RANBP17: variants seen among roughly 807,000 people sequenced by gnomAD.
RANBP17 encodes the protein ran-binding protein 17.
In RANBP17, 158 loss-of-function variants were observed where a neutral mutation model predicts 141.2. That is an observed-to-expected ratio of 1.12 (90% CI 0.98 to 1.28). The LOEUF (loss-of-function observed/expected upper bound fraction) is 1.28, where lower values mean the gene tolerates loss of function less well. Among genes scored for constraint, RANBP17 ranks in the 50% most tolerant of loss-of-function variants. The pLI, the probability that RANBP17 is intolerant of heterozygous loss-of-function variation, is 0.00. For missense variants in RANBP17, 1,438 were observed against 1,290.7 expected, an observed-to-expected ratio of 1.11 and a Z score of -1.75; for synonymous variants, 430 against 450.0, an observed-to-expected ratio of 0.96 and a Z score of 0.56.
chr5:171,156,247 A>G (rs957429306), intron 14 of RANBP17, among the ~76,000 whole-genome samples: 1 of 152,116 alleles, frequency 6.6e-6, no homozygotes, highest in African/African-American at 2.4e-5. Flanking sequence ...TACCTTCTAT[A>G]TAATTTATTT....
At chr5:171,024,354 G>A (rs1232459819) in intron 14 of RANBP17, among the ~76,000 whole-genome samples, 1 of 152,146 alleles carries the variant, frequency 6.6e-6, no homozygotes, top group Non-Finnish European at 1.5e-5. Flanking sequence ...GCCAGTGTCT[G>A]TTTTGTAAAT....
At chr5:170,920,407 TA>T (rs1204987147) in intron 11 of RANBP17, among the ~76,000 whole-genome samples, 2 of 152,162 alleles carry the variant, frequency 1.3e-5, no homozygotes, top group Non-Finnish European at 2.9e-5. Flanking sequence ...TAATGACTAA[TA>T]ATGTTGAGCA....
chr5:171,066,365 CT>C (rs1015451277), intron 14 of RANBP17, among the ~76,000 whole-genome samples: 6 of 152,128 alleles, frequency 3.9e-5, no homozygotes, highest in African/African-American at 1.4e-4. Flanking sequence ...CTGCTCTCTA[CT>C]TTTATGAGGA....
chr5:170,890,738 A>G (rs1458129041), intron 3 of RANBP17, among the ~76,000 whole-genome samples: 1 of 152,260 alleles, frequency 6.6e-6, no homozygotes, highest in Non-Finnish European at 1.5e-5. Flanking sequence ...TCATGAGTCA[A>G]CTAGAAAGCT....
At chr5:170,903,373 G>C (rs928465884) in intron 5 of RANBP17, among the ~76,000 whole-genome samples, 1 of 152,232 alleles carries the variant, frequency 6.6e-6, no homozygotes, top group Non-Finnish European at 1.5e-5. Flanking sequence ...TCAGACTGCT[G>C]TGCTGGCAGC....
chr5:170,957,108 C>CACACAT (rs1554141645), intron 13 of RANBP17, among the ~76,000 whole-genome samples: 1 of 144,590 alleles, frequency 6.9e-6, no homozygotes, highest in South Asian at 2.9e-4. Context: ...CACACACACA[C>CACACAT]GCGCACACTG....
intron 14 of RANBP17, among the ~76,000 whole-genome samples, chr5:171,044,335 A>G (rs1260359680): frequency 1.3e-5 from 2 of 152,158 alleles, no homozygotes; most frequent in Non-Finnish European, 2.9e-5. Flanking sequence ...GAATTTTAAT[A>G]TAACATTAAA....
chr5:171,187,619 T>A (rs1387167277), intron 18 of RANBP17, among the ~76,000 whole-genome samples: 4 of 152,170 alleles, frequency 2.6e-5, no homozygotes, highest in Non-Finnish European at 5.9e-5. Flanking sequence ...ATTTTTTCTA[T>A]TTCTGATCAT....
chr5:170,937,503 T>G, intron 12 of RANBP17, among the ~76,000 whole-genome samples: 1 of 152,216 alleles, frequency 6.6e-6, no homozygotes, highest in East Asian at 1.9e-4. Flanking sequence ...TTTTTGGACA[T>G]TGAGGATCAT....
chr5:170,878,012 A>T (rs1768331878), intron 1 of RANBP17, 85 bp from the exon 2 acceptor site: 2 of 921,438 alleles, frequency 2.2e-6, no homozygotes, highest in African/African-American at 3.3e-5. Context: ...TACACATGTG[A>T]TATTTGTATC....
chr5:171,010,645 T>C (rs1290402110), intron 14 of RANBP17, among the ~76,000 whole-genome samples: 1 of 151,696 alleles, frequency 6.6e-6, no homozygotes, highest in African/African-American at 2.4e-5. Context: ...ATAAATATGC[T>C]AAAAAATCTA....
intron 21 of RANBP17, among the ~76,000 whole-genome samples, chr5:171,214,619 CAA>C (rs1353094316): frequency 6.6e-6 from 1 of 152,038 alleles, no homozygotes; most frequent in African/African-American, 2.4e-5. Context: ...TACCCTAAAA[CAA>C]GAGATGAAGA....
intron 14 of RANBP17, among the ~76,000 whole-genome samples, chr5:171,089,985 C>T (rs1181851615): frequency 6.6e-6 from 1 of 152,172 alleles, no homozygotes; most frequent in East Asian, 1.9e-4. Context: ...GTGGTTATGT[C>T]TTTATCAGCA....
At position 171,137,600 on chromosome 5, in the gene RANBP17, G is replaced by C. The variant is rs1368529169; in HGVS notation, c.1711-32530G>C. On this transcript the variant is annotated intron_variant, in intron 14 of 27. Transcript: ENST00000523189. Reference sequence around the variant, plus strand: ...TGTGTGTGTGTGTGTGTGTGTGTGTGTGTGTCTGTGTGTGTGTGTGTGTGT... The same window carrying C: ...TGTGTGTGTGTGTGTGTGTGTGTGTCTGTGTCTGTGTGTGTGTGTGTGTGT... 3.5e-5 allele frequency among the ~76,000 whole-genome samples: 5 copies of C among 143,534 alleles called. No homozygotes were observed. In the Admixed American group the frequency reaches 3.6e-4, roughly 10 times the overall value. The allele number at this position is 143,534 out of a possible 152,430, so 94.2% of individuals were successfully genotyped here. A position where few individuals can be genotyped will look rare whatever the true frequency, so the allele number is the denominator to read the frequency against.
intron 18 of RANBP17, among the ~76,000 whole-genome samples, chr5:171,198,864 C>T (rs891456935): frequency 4.6e-5 from 7 of 152,146 alleles, no homozygotes; most frequent in Admixed American, 1.3e-4. Flanking sequence ...GAGTGCAGCT[C>T]GTAGCTCCCT....
chr5:171,141,450 A>T (rs11739757), intron 14 of RANBP17, among the ~76,000 whole-genome samples: 2 of 149,128 alleles, frequency 1.3e-5, no homozygotes, highest in Admixed American at 1.3e-4. Context: ...AAAAAAAAAT[A>T]CAAAAAATTA....
chr5:171,186,579 C>T (rs1166138717), intron 18 of RANBP17, among the ~76,000 whole-genome samples: 4 of 113,462 alleles, frequency 3.5e-5, no homozygotes. Flanking sequence ...CTCTGTCGCC[C>T]AGGCTGGAGT....
At chr5:171,037,104 G>GT (rs1242671268) in intron 14 of RANBP17, among the ~76,000 whole-genome samples, 17 of 150,064 alleles carry the variant, frequency 1.1e-4, no homozygotes, top group Admixed American at 4.6e-4. Flanking sequence ...AGCATCTATT[G>GT]TTTTTTTTTC....
At chr5:171,098,249 A>C (rs1256346541) in intron 14 of RANBP17, among the ~76,000 whole-genome samples, 1 of 151,716 alleles carries the variant, frequency 6.6e-6, no homozygotes, top group East Asian at 1.9e-4. Context: ...TTACACTCTC[A>C]CTAACATTAT....
Sources: gnomAD v4.1 joint callset for allele counts (sites outside exome capture counted in the v4.1 genomes callset) on GRCh38, gnomAD v4.1.1 for gene constraint, MANE v1.5 for transcripts, NCBI Gene and HGNC (gene_info 2026-07-23, HGNC 2026-07-21) for gene names.